Variants in RNF32 observed in about 807,000 individuals in gnomAD.
RNF32 encodes the protein ring finger protein 32.
RNF32 carries 36 observed loss-of-function variants against 41.0 expected under a neutral mutation model. The observed-to-expected ratio is 0.88, with a 90% CI of 0.67 to 1.16. RNF32 has a LOEUF of 1.16. Among genes scored for constraint, RNF32 ranks in the 50% most tolerant of loss-of-function variants. The pLI is 0.00. For missense variants in RNF32, 413 were observed against 436.7 expected (o/e 0.95, Z 0.48); for synonymous variants, 154 against 160.9 (o/e 0.96, Z 0.32).
chr7:156,643,954 C>T (rs770759455), intron 2 of RNF32, 62 bp downstream of exon 2: 8 of 1,452,476 alleles, frequency 5.5e-6, no homozygotes, highest in Non-Finnish European at 5.8e-6. Context: ...TTTAATTCAG[C>T]CATTTGAGAG....
intron 7 of RNF32, among the ~76,000 whole-genome samples, chr7:156,671,327 AGT>A (rs1316181124): frequency 6.6e-6 from 1 of 152,092 alleles, no homozygotes; most frequent in Non-Finnish European, 1.5e-5. Context: ...AAACGCGAAC[AGT>A]GTGTGTGTGA....
At chr7:156,657,955 T>G (rs528425243) in intron 5 of RNF32, among the ~76,000 whole-genome samples, 173 bp from the exon 6 acceptor site, 1 of 152,358 alleles carries the variant, frequency 6.6e-6, no homozygotes, top group East Asian at 1.9e-4. Context: ...GAACAGGTTT[T>G]GTGAGGAAGG....
At chr7:156,653,690 G>C (rs1799112339) in intron 3 of RNF32, among the ~76,000 whole-genome samples, 2 of 152,248 alleles carry the variant, frequency 1.3e-5, no homozygotes, top group East Asian at 3.8e-4. Flanking sequence ...TGAGGATGTT[G>C]CAGTTGCTTT....
At chr7:156,661,406 G>A (rs1036778365) in intron 7 of RNF32, among the ~76,000 whole-genome samples, 5 of 151,478 alleles carry the variant, frequency 3.3e-5, no homozygotes, top group Non-Finnish European at 5.9e-5. Flanking sequence ...TGCAACCATC[G>A]TTTCCCGAGT....
At chr7:156,663,724 TAGAC>T (rs762674998) in intron 7 of RNF32, among the ~76,000 whole-genome samples, 12 of 152,126 alleles carry the variant, frequency 7.9e-5, no homozygotes, top group Non-Finnish European at 1.3e-4. Context: ...TGGGGAATAA[TAGAC>T]AAACAATGAA....
intron 7 of RNF32, among the ~76,000 whole-genome samples, chr7:156,668,162 CA>C (rs1801648321): frequency 1.3e-5 from 2 of 152,176 alleles, no homozygotes; most frequent in African/African-American, 2.4e-5. Context: ...AGGAGATAAG[CA>C]GTGCACACAG....
intron 7 of RNF32, among the ~76,000 whole-genome samples, chr7:156,663,763 C>G (rs1800967394): frequency 6.6e-6 from 1 of 152,102 alleles, no homozygotes; most frequent in Admixed American, 6.5e-5. Context: ...CACATCTCAG[C>G]ATACAGGAAA....
upstream of RNF32, chr7:156,640,322 G>A (rs1200200542): frequency 3.3e-5 from 15 of 451,024 alleles, no homozygotes; most frequent in African/African-American, 2.4e-4. Context: ...AACAACCGGG[G>A]CCCAGGCCCA....
At chr7:156,674,102 A>G (rs1803252097) in intron 7 of RNF32, among the ~76,000 whole-genome samples, 1 of 152,160 alleles carries the variant, frequency 6.6e-6, no homozygotes, top group African/African-American at 2.4e-5. Flanking sequence ...TAACTGCTGA[A>G]TCGGCACTTC....
intron 7 of RNF32, 62 bp from the exon 8 acceptor site, chr7:156,675,634 C>T (rs916720762): frequency 2.1e-5 from 30 of 1,438,690 alleles, no homozygotes; most frequent in South Asian, 8.2e-5. Context: ...GGCTCGAGAG[C>T]GCTTCCCTGC....
chr7:156,659,048 C>A, intron 7 of RNF32: 1 of 1,404,006 alleles, frequency 7.1e-7, no homozygotes. Flanking sequence ...ACTTCCATGT[C>A]TACCCTTCCT....
chr7:156,651,913 CG>C (rs1412984907), intron 3 of RNF32, among the ~76,000 whole-genome samples: 1 of 152,278 alleles, frequency 6.6e-6, no homozygotes, highest in African/African-American at 2.4e-5. Flanking sequence ...TCCCCTCCCC[CG>C]GCCCCTCCCC....
chr7:156,642,568 G>A (rs1009038872), intron 1 of RNF32, among the ~76,000 whole-genome samples: 2 of 152,196 alleles, frequency 1.3e-5, no homozygotes, highest in African/African-American at 2.4e-5. Flanking sequence ...TATGCTTTAC[G>A]AGTTTTTATT....
At chr7:156,640,862 G>A (rs1350465370) in intron 1 of RNF32, 51 bp downstream of exon 1, 1 of 210,672 alleles carries the variant, frequency 4.7e-6, no homozygotes, top group Non-Finnish European at 9.7e-6. Context: ...CCCGCCAGGC[G>A]GGCGGGGTCC....
chr7:156,674,385 C>A (rs973977029), intron 7 of RNF32, among the ~76,000 whole-genome samples: 1 of 152,242 alleles, frequency 6.6e-6, no homozygotes, highest in Non-Finnish European at 1.5e-5. Context: ...CAGCTCTGTA[C>A]TTGAAAGGAC....
intron 3 of RNF32, chr7:156,646,612 C>T: frequency 1.4e-6 from 1 of 735,628 alleles, no homozygotes; most frequent in Non-Finnish European, 2.0e-6. Flanking sequence ...TCAAGTATGT[C>T]CCTGATAGGG....
chr7:156,646,573 T>G (rs1157941166), intron 3 of RNF32: 2 of 1,181,632 alleles, frequency 1.7e-6, no homozygotes, highest in Non-Finnish European at 2.2e-6. Flanking sequence ...GAATAAGAAT[T>G]TTGAGATGAC....
Position 156,658,484 on chromosome 7 carries a change from T to TCCTCTCCA in RNF32, c.598_599insCCTCTCCA (p.Cys200SerfsTer13), listed in dbSNP as rs1563082574. The TCCTCTCCA allele has an allele frequency of 6.2e-7, 1 of 1,613,214 alleles. No individual in the cohort carries two copies. Among genetic ancestry groups the TCCTCTCCA allele is most frequent in the Non-Finnish European group, 8.5e-7 (1 of 1,179,176 alleles). On this transcript the variant is annotated frameshift_variant, in exon 7 of 9. Coordinates refer to ENST00000317955, the MANE Select transcript of RNF32 (RefSeq NM_030936.4). LOFTEE classifies it high-confidence loss of function. ...TAGAATCCAAGCCTACTGGAGAGGATGTGTTGTTAGAAAGTGGTACAGAAA... is the reference window on the plus strand; with the variant it reads ...TAGAATCCAAGCCTACTGGAGAGGATCCTCTCCAGTGTTGTTAGAAAGTGGTACAGAAA...
intron 3 of RNF32, among the ~76,000 whole-genome samples, chr7:156,653,749 C>G (rs1799128694): frequency 6.6e-6 from 1 of 152,214 alleles, no homozygotes; most frequent in Non-Finnish European, 1.5e-5. Context: ...GCCGAGACAG[C>G]ACATGGTGGG....
Sources: allele counts gnomAD v4.1 joint callset (sites outside exome capture counted in the v4.1 genomes callset), GRCh38; gene constraint gnomAD v4.1.1; transcripts MANE v1.5; gene names NCBI Gene and HGNC (gene_info 2026-07-23, HGNC 2026-07-21).